Variants in EEFSEC observed in about 807,000 individuals in gnomAD.
EEFSEC encodes the protein eukaryotic elongation factor, selenocysteine-tRNA specific, also known as selenocysteine-specific elongation factor.
In EEFSEC, 43 loss-of-function variants were observed where a neutral mutation model predicts 42.1. The observed-to-expected ratio is 1.02, with a 90% CI of 0.80 to 1.32. EEFSEC has a LOEUF of 1.32. EEFSEC is among the 40% of genes most tolerant of loss of function. The probability of loss-of-function intolerance (pLI) is 0.00; values close to 1 mark genes in which losing one functional copy is unlikely to be tolerated. For missense variants in EEFSEC, 745 were observed against 803.6 expected (o/e 0.93, Z 0.88); for synonymous variants, 354 against 339.1 (o/e 1.04, Z -0.48).
chr3:128,386,097 G>A (rs1015855526), intron 6 of EEFSEC, among the ~76,000 whole-genome samples: 2 of 152,226 alleles, frequency 1.3e-5, no homozygotes, highest in Non-Finnish European at 2.9e-5. Context: ...AGTTAGATGA[G>A]TTGACTAAAG....
chr3:128,362,190 C>T (rs571217159), intron 6 of EEFSEC: 1 of 524,336 alleles, frequency 1.9e-6, no homozygotes, highest in African/African-American at 1.9e-5. Context: ...CCACCCTCCC[C>T]TCTGCCTCAG....
chr3:128,263,767 T>G (rs2066322479), intron 3 of EEFSEC, among the ~76,000 whole-genome samples: 1 of 152,054 alleles, frequency 6.6e-6, no homozygotes, highest in African/African-American at 2.4e-5. Flanking sequence ...TTGTTTTCAT[T>G]TGTTTATTGG....
intron 6 of EEFSEC, among the ~76,000 whole-genome samples, chr3:128,382,939 G>C (rs945293879): frequency 5.9e-5 from 9 of 152,228 alleles, no homozygotes; most frequent in Admixed American, 5.9e-4. Flanking sequence ...AGGAGTCTGT[G>C]CTGGGCAGTC....
At chr3:128,322,317 C>T (rs957081618) in intron 4 of EEFSEC, among the ~76,000 whole-genome samples, 2 of 152,234 alleles carry the variant, frequency 1.3e-5, no homozygotes, top group Admixed American at 6.5e-5. Context: ...GTGGAGGGAC[C>T]GTGTCCCTAC....
At chr3:128,340,329 G>A (rs74362902) in intron 4 of EEFSEC, among the ~76,000 whole-genome samples, 4,174 of 151,398 alleles carry the variant, frequency 0.028, 210 homozygotes, top group African/African-American at 0.095. Flanking sequence ...TATAGCATAT[G>A]TTGTCTAATA....
chr3:128,354,369 C>T (rs1165486328), intron 5 of EEFSEC, among the ~76,000 whole-genome samples: 1 of 152,176 alleles, frequency 6.6e-6, no homozygotes, highest in Non-Finnish European at 1.5e-5. Flanking sequence ...CCCAGAGGCC[C>T]TCCTCAGAAG....
At chr3:128,364,715 C>A (rs1212176041) in intron 6 of EEFSEC, among the ~76,000 whole-genome samples, 1 of 152,240 alleles carries the variant, frequency 6.6e-6, no homozygotes, top group Non-Finnish European at 1.5e-5. Flanking sequence ...GCACCTGACC[C>A]CCAGGCCCTG....
intron 3 of EEFSEC, among the ~76,000 whole-genome samples, chr3:128,263,218 C>G (rs2066317273): frequency 6.6e-6 from 1 of 152,182 alleles, no homozygotes; most frequent in Non-Finnish European, 1.5e-5. Context: ...TTATTTATCC[C>G]CATATACCAA....
chr3:128,264,508 C>A, intron 3 of EEFSEC, 109 bp from the exon 4 acceptor site: 1 of 1,313,236 alleles, frequency 7.6e-7, no homozygotes, highest in Admixed American at 2.0e-5. Context: ...GCTGAGTTCA[C>A]CTTGGCAGCC....
chr3:128,323,335 G>A (rs1451392066), intron 4 of EEFSEC, among the ~76,000 whole-genome samples: 4 of 152,156 alleles, frequency 2.6e-5, no homozygotes, highest in Admixed American at 6.5e-5. Context: ...TCTTGGAGCC[G>A]TTTTCTCCAG....
intron 1 of EEFSEC, among the ~76,000 whole-genome samples, chr3:128,239,888 T>G (rs1344056487): frequency 6.6e-6 from 1 of 152,242 alleles, no homozygotes; most frequent in Non-Finnish European, 1.5e-5. Context: ...TTTGGCCACC[T>G]GGTCCCCACT....
chr3:128,358,464 A>G, intron 6 of EEFSEC, 91 bp downstream of exon 6: 1 of 1,543,576 alleles, frequency 6.5e-7, no homozygotes. Flanking sequence ...TCCTTGGCTT[A>G]GGTTCCTAAT....
chr3:128,415,955 T>C, the EEFSEC span, among the ~76,000 whole-genome samples: 2 of 152,164 alleles, frequency 1.3e-5, no homozygotes, highest in East Asian at 3.9e-4. Context: ...AGCTGATGCC[T>C]GTGGGAAGGA....
chr3:128,305,632 AT>A (rs2066818015), intron 4 of EEFSEC, among the ~76,000 whole-genome samples: 1 of 152,130 alleles, frequency 6.6e-6, no homozygotes. Context: ...CTTCAAATTC[AT>A]TTGTATCTAG....
At chr3:128,171,284 A>G (rs368859279) in intron 1 of EEFSEC, among the ~76,000 whole-genome samples, 2 of 152,228 alleles carry the variant, frequency 1.3e-5, no homozygotes, top group South Asian at 2.1e-4. Flanking sequence ...CCCTTCAGAA[A>G]AATTGCTGCT....
At chr3:128,165,971 G>A (rs538002976) in intron 1 of EEFSEC, among the ~76,000 whole-genome samples, 1 of 152,216 alleles carries the variant, frequency 6.6e-6, no homozygotes, top group Non-Finnish European at 1.5e-5. Flanking sequence ...ATTTCCAGGT[G>A]AGTTTCAGGA....
chr3:128,422,232 A>C, the EEFSEC span, among the ~76,000 whole-genome samples: 2 of 152,222 alleles, frequency 1.3e-5, no homozygotes, highest in African/African-American at 4.8e-5. Context: ...CCAACAGGGC[A>C]GGACTGTCAC....
chr3:128,295,799 G>T (rs1310715743), intron 4 of EEFSEC, among the ~76,000 whole-genome samples: 1 of 151,966 alleles, frequency 6.6e-6, no homozygotes, highest in Non-Finnish European at 1.5e-5. Flanking sequence ...GGTCTCAGTG[G>T]GGTGGTGGGA....
chr3:128,259,138 C>T (rs2066271959), intron 2 of EEFSEC, among the ~76,000 whole-genome samples: 2 of 152,146 alleles, frequency 1.3e-5, no homozygotes, highest in Non-Finnish European at 2.9e-5. Context: ...TTGCTTGTAC[C>T]ATTGGTGCTC....
Sources: allele counts gnomAD v4.1 joint callset (sites outside exome capture counted in the v4.1 genomes callset), GRCh38; gene constraint gnomAD v4.1.1; transcripts MANE v1.5; gene names NCBI Gene and HGNC (gene_info 2026-07-23, HGNC 2026-07-21).